Variants in AP2A1 observed in about 807,000 individuals in gnomAD.
The protein encoded by AP2A1 is adaptor related protein complex 2 subunit alpha 1, also known as AP-2 complex subunit alpha-1.
AP2A1 carries 21 observed loss-of-function variants against 107.3 expected under a neutral mutation model. The ratio of observed to expected loss-of-function variants is 0.20; its 90% CI spans 0.14 to 0.28. The LOEUF (loss-of-function observed/expected upper bound fraction) is 0.28. AP2A1 is among the 10% of genes least tolerant of loss of function. AP2A1 has a pLI of 1.00. For synonymous variants in AP2A1, 602 were observed against 564.8 expected, an observed-to-expected ratio of 1.07 and a Z score of -0.93; for missense variants, 873 against 1,307.7, an observed-to-expected ratio of 0.67 and a Z score of 5.13.
At chr19:49,778,515 G>C (rs761083041) in intron 1 of AP2A1, among the ~76,000 whole-genome samples, 14 of 152,084 alleles carry the variant, frequency 9.2e-5, no homozygotes, top group African/African-American at 3.1e-4. Flanking sequence ...CCCAGGAGGC[G>C]GAGGTTGCAG....
At chr19:49,797,850 G>C (rs2073230753) in intron 7 of AP2A1, among the ~76,000 whole-genome samples, 1 of 150,226 alleles carries the variant, frequency 6.7e-6, no homozygotes, top group Non-Finnish European at 1.5e-5. Context: ...GGAGGCTGAG[G>C]CAGAAGGATC....
At chr19:49,800,618 G>A (rs531128408) in intron 11 of AP2A1, 2 of 272,770 alleles carry the variant, frequency 7.3e-6, no homozygotes, top group South Asian at 4.5e-5. Context: ...ACAGGCACGC[G>A]CCACCACACC....
At position 49,783,449 on chromosome 19, in the gene AP2A1, C is replaced by T. The variant is rs534866040; in HGVS notation, c.473+725C>T. Among the ~76,000 whole-genome samples, 9 of 152,234 alleles carry T rather than the reference C, an allele frequency of 5.9e-5. No homozygotes were observed. In the East Asian group the frequency reaches 1.5e-3, roughly 26 times the overall value. On this transcript the variant is annotated intron_variant, in intron 4 of 22. Transcript: ENST00000354293. ...TAGGCTGCAATGAGTTGTGGTTGCG[C>T]CAGTGTACTCCAGCTTGGTGTGCAC...
At chr19:49,795,071 C>T (rs997683981) in intron 6 of AP2A1, among the ~76,000 whole-genome samples, 2 of 152,226 alleles carry the variant, frequency 1.3e-5, no homozygotes, top group Non-Finnish European at 2.9e-5. Flanking sequence ...AATCCCTGCC[C>T]CTGAGTGGCT....
At chr19:49,769,748 C>T (rs533192186) in intron 1 of AP2A1, among the ~76,000 whole-genome samples, 1 of 152,296 alleles carries the variant, frequency 6.6e-6, no homozygotes, top group South Asian at 2.1e-4. Context: ...CCTCTGGCTG[C>T]TGTGAGAACA....
rs1204207685 is a variant in AP2A1, at chr19:49,785,003, C to A, written c.473+2279C>A. On this transcript the variant is annotated intron_variant, in intron 4 of 22. Transcript: ENST00000354293. This position sits in a 1 kb window ranked among gnomAD's most constrained non-coding sequence, Gnocchi z 4.1. Reference sequence around the variant, plus strand: ...TGGCAGTAGAACTGAAGAAAGACATCAAAATGCAGCCCAAAGAAGACAAAG... The same window carrying A: ...TGGCAGTAGAACTGAAGAAAGACATAAAAATGCAGCCCAAAGAAGACAAAG... 6.6e-6 allele frequency among the ~76,000 whole-genome samples: 1 copy of A among 152,154 alleles called. No homozygotes were observed. Among genetic ancestry groups the A allele is most frequent in the Admixed American group, 6.6e-5 (1 of 15,260 alleles).
chr19:49,792,007 G>A lies in AP2A1; in HGVS notation c.546G>A (p.Leu182=), dbSNP rs2073148970. The A allele has an allele frequency of 3.1e-6, 5 of 1,612,928 alleles. No homozygotes were observed. The South Asian group carries it at 4.4e-5, about 14-fold the overall frequency. ...LLRLYKASPD[L]VPMGEWTARV... ...GACTGTACAAGGCCTCGCCTGACCT[G>A]GTGCCCATGGGCGAGTGGACGGCGC... is the stretch of plus-strand genomic sequence containing the variant. The change falls in exon 5 of 23, where the codon CTG becomes CTA. Residue 182 remains leucine (L), a synonymous_variant. Transcript: ENST00000354293.
At chr19:49,774,241 G>T (rs1004633957) in intron 1 of AP2A1, among the ~76,000 whole-genome samples, 4 of 152,204 alleles carry the variant, frequency 2.6e-5, no homozygotes, top group African/African-American at 9.6e-5. Context: ...GTGCCAGGCT[G>T]CCCTGGGCCC....
chr19:49,788,384 C>A lies in AP2A1; in HGVS notation c.474-3551C>A, dbSNP rs759891495. On this transcript the variant is annotated intron_variant, in intron 4 of 22. Coordinates refer to ENST00000354293, the MANE Select transcript of AP2A1 (RefSeq NM_130787.3). This position sits in a 1 kb window ranked among gnomAD's most constrained non-coding sequence, Gnocchi z 4.5. ...TTATTCCTTTGTGTGGTATCCTTAT[C>A]TGTAAATGGAGATGATAGAATCCGC... Among the ~76,000 whole-genome samples, 1 of 152,194 alleles carries A rather than the reference C, an allele frequency of 6.6e-6. No individual in the cohort carries two copies. Among genetic ancestry groups the A allele is most frequent in the Non-Finnish European group, 1.5e-5 (1 of 68,038 alleles).
chr19:49,796,827 G>A (rs1004781465), intron 7 of AP2A1: 1 of 152,132 alleles, frequency 6.6e-6, no homozygotes, highest in Non-Finnish European at 1.5e-5. Context: ...GTACATGAGT[G>A]TAGATACCTG....
intron 15 of AP2A1, chr19:49,802,627 G>C: frequency 1.3e-6 from 2 of 1,521,532 alleles, no homozygotes; most frequent in Admixed American, 2.0e-5. Flanking sequence ...GTGGGAGGTC[G>C]GTCGGGGGGG....
Position 49,802,148 on chromosome 19 carries a change from C to T in AP2A1, c.2114+7C>T. On this transcript the variant is annotated splice_region_variant and intron_variant, in intron 15 of 22. Transcript: ENST00000354293. Reference sequence around the variant, plus strand: ...CCGAGGAGGCCTTCCTCAGGTAGCACCCCCTGGGCCCGGGCCCCTTCTCGC... The same window carrying T: ...CCGAGGAGGCCTTCCTCAGGTAGCATCCCCTGGGCCCGGGCCCCTTCTCGC... 1.3e-6 allele frequency: 2 copies of T among 1,548,188 alleles called. No homozygotes were observed. Among genetic ancestry groups the T allele is most frequent in the Non-Finnish European group, 1.7e-6 (2 of 1,152,810 alleles).
intron 11 of AP2A1, 78 bp from the exon 12 acceptor site, chr19:49,800,883 C>A: frequency 8.5e-7 from 1 of 1,179,204 alleles, no homozygotes; most frequent in South Asian, 1.4e-5. Context: ...TTCCACCAGT[C>A]AGTAGGTGGC....
rs1460639482 is a variant in AP2A1 at position 49,805,775 on chromosome 19, C to A, written c.2583C>A (p.Ser861Arg). The A allele has an allele frequency of 6.3e-6, 9 of 1,425,102 alleles. No individual in the cohort carries two copies. The highest frequency in any genetic ancestry group is 8.5e-6 in the Non-Finnish European group (9 of 1,065,026). The allele number at this position is 1,425,102 out of a possible 1,614,324, so 88.3% of individuals were successfully genotyped here. Residue 861 changes from serine (S) to arginine (R), a missense_variant and splice_region_variant, in exon 20 of 23, where the codon AGC becomes AGA. Physicochemically the swap from Ser to Arg is moderately radical, Grantham distance 110 (BLOSUM62 -1). This residue lies in a region of AP2A1 where 416 missense variants were observed against 473.4 expected (regional missense o/e 0.88). Transcript: ENST00000354293. ...QDFFQRWKQL[S>R]LPQQEAQKIF... ...TCTTCCAGCGCTGGAAGCAGCTGAG[C>A]CTGTGAGGGGTGGGGAGGGGGCGGA... is the stretch of plus-strand genomic sequence containing the variant.
Position 49,800,078 on chromosome 19 carries a change from G to A in AP2A1, c.1383G>A (p.Val461=). Residue 461 remains valine (V), a synonymous_variant, in exon 11 of 23, where the codon GTG becomes GTA. Transcript: ENST00000354293. The part of the protein sequence containing the change: ...RIAGDYVSEE[V]WYRVLQIVTN... ...CGGGCGACTACGTGAGTGAGGAGGTGTGGTACCGTGTGCTACAGATCGTCA... is the reference window on the plus strand; with the variant it reads ...CGGGCGACTACGTGAGTGAGGAGGTATGGTACCGTGTGCTACAGATCGTCA... 1 of 1,614,002 alleles carries A rather than the reference G, an allele frequency of 6.2e-7. No homozygotes were observed. Among genetic ancestry groups the A allele is most frequent in the South Asian group, 1.1e-5 (1 of 91,084 alleles).
intron 1 of AP2A1, among the ~76,000 whole-genome samples, chr19:49,774,330 C>G (rs2084595336): frequency 6.6e-6 from 1 of 152,106 alleles, no homozygotes; most frequent in Admixed American, 6.5e-5. Context: ...AGGAAATGAA[C>G]ATGCAAACCC....
chr19:49,777,076 G>GAAAAAAA (rs563994455), intron 1 of AP2A1, among the ~76,000 whole-genome samples: 1 of 138,952 alleles, frequency 7.2e-6, no homozygotes. Flanking sequence ...TAAAAATGCG[G>GAAAAAAA]AAAAAAAAAA....
intron 4 of AP2A1, among the ~76,000 whole-genome samples, chr19:49,787,347 G>GTT (rs199550216): frequency 0.03 from 2,875 of 95,778 alleles, 155 homozygotes; most frequent in African/African-American, 0.058. Context: ...TGTTTTTTTT[G>GTT]TTTTTTGTTT....
At chr19:49,772,312 T>C (rs2084570778) in intron 1 of AP2A1, among the ~76,000 whole-genome samples, 1 of 120,876 alleles carries the variant, frequency 8.3e-6, no homozygotes, top group Non-Finnish European at 1.6e-5. Context: ...CAGGCTGGAG[T>C]GCAGTGGCGC....
Sources: allele counts gnomAD v4.1 joint callset (sites outside exome capture counted in the v4.1 genomes callset), GRCh38; gene constraint gnomAD v4.1.1; regional missense constraint gnomAD v4.1.1; non-coding constraint Gnocchi (gnomAD v3.1); transcripts MANE v1.5; gene names NCBI Gene and HGNC (gene_info 2026-07-23, HGNC 2026-07-21).